PTPRA: variants seen among roughly 807,000 people sequenced by gnomAD.
The protein encoded by PTPRA is protein tyrosine phosphatase receptor type A.
PTPRA carries 25 observed loss-of-function variants against 104.8 expected under a neutral mutation model. That is an observed-to-expected ratio of 0.24 (90% CI 0.17 to 0.33). The LOEUF (loss-of-function observed/expected upper bound fraction) is 0.33. PTPRA is among the 10% of genes least tolerant of loss of function. The pLI is 1.00. For synonymous variants in PTPRA, 323 were observed against 368.9 expected, an observed-to-expected ratio of 0.88 and a Z score of 1.43; for missense variants, 765 against 1,015.3, an observed-to-expected ratio of 0.75 and a Z score of 3.35.
At chr20:2,893,558 T>C (rs2058880407) in intron 1 of PTPRA, among the ~76,000 whole-genome samples, 1 of 152,166 alleles carries the variant, frequency 6.6e-6, no homozygotes, top group East Asian at 1.9e-4. Context: ...ATCATATATA[T>C]CATATATTTA....
chr20:3,010,485 G>A (rs1443805236), intron 11 of PTPRA, among the ~76,000 whole-genome samples: 4 of 151,954 alleles, frequency 2.6e-5, no homozygotes, highest in Non-Finnish European at 5.9e-5. Flanking sequence ...AAAATTAGTC[G>A]GGCGTGGTGG....
chr20:2,883,910 C>G (rs1358319681), intron 1 of PTPRA, among the ~76,000 whole-genome samples: 2 of 152,192 alleles, frequency 1.3e-5, no homozygotes, highest in East Asian at 3.9e-4. Flanking sequence ...TCTCTCCTCC[C>G]TCCAGTCCCT....
intron 3 of PTPRA, 112 bp from the exon 4 acceptor site, chr20:2,964,160 G>A: frequency 1.2e-6 from 1 of 858,736 alleles, no homozygotes; most frequent in Non-Finnish European, 1.9e-6. Context: ...AAGATCATTG[G>A]TTTAGGCACA....
At position 2,923,496 on chromosome 20, in the gene PTPRA, TA is replaced by T. The variant is rs76940822; in HGVS notation, c.-50+220del. Among the ~76,000 whole-genome samples, 1,109 of 149,694 alleles carry T rather than the reference TA, an allele frequency of 7.4e-3. 9 individuals are homozygous for T. The highest frequency in any genetic ancestry group is 0.03 in the South Asian group (141 of 4,740). On this transcript the variant is annotated intron_variant, in intron 2 of 23. Transcript: ENST00000399903. The stretch of plus-strand genomic sequence containing the variant: ...AATCACTTGAAGAGCTTTTTTTTTT[TA>T]AAAAAAAAGACCAAAGTCAGGCTGG...
At chr20:2,883,976 A>G (rs2090223349) in intron 1 of PTPRA, among the ~76,000 whole-genome samples, 1 of 152,220 alleles carries the variant, frequency 6.6e-6, no homozygotes, top group African/African-American at 2.4e-5. Context: ...CATTTCATAT[A>G]AATGAAATCA....
chr20:2,909,983 TATATC>T (rs1285682214), intron 1 of PTPRA, among the ~76,000 whole-genome samples: 24 of 100,870 alleles, frequency 2.4e-4, no homozygotes, highest in South Asian at 9.1e-4. Context: ...TAATCTATCA[TATATC>T]ATATATATAA....
In PTPRA at chr20:2,964,338, A is replaced by T. The variant is rs2061868355; in HGVS notation, c.61A>T (p.Asn21Tyr). The T allele has an allele frequency of 1.2e-6, 2 of 1,602,304 alleles. No individual in the cohort carries two copies. Among genetic ancestry groups the T allele is most frequent in the Non-Finnish European group, 1.7e-6 (2 of 1,175,150 alleles). The stretch of plus-strand genomic sequence containing the variant: ...TGGTCTGATATGTGTCAGTGCCAAC[A>T]ATGCTACCACAGGTAAATTGTCATT... ...GSGLICVSAN[N>Y]ATTVAPSVGI... Residue 21 changes from asparagine to tyrosine, a missense_variant, in exon 4 of 24, where the codon AAT (asparagine) becomes TAT (tyrosine). Asn to Tyr is a moderately radical substitution (Grantham distance 143). Coordinates refer to ENST00000399903, the MANE Select transcript of PTPRA (RefSeq NM_001385305.1).
intron 1 of PTPRA, among the ~76,000 whole-genome samples, chr20:2,920,817 A>G (rs1033725745): frequency 2.6e-5 from 4 of 151,730 alleles, no homozygotes; most frequent in African/African-American, 9.7e-5. Context: ...GGCATTGGGA[A>G]TGTAGTTTGT....
chr20:2,897,929 T>TG (rs2059075706), intron 1 of PTPRA, among the ~76,000 whole-genome samples: 1 of 132,324 alleles, frequency 7.6e-6, no homozygotes, highest in Non-Finnish European at 1.6e-5. Flanking sequence ...TTTTTTTTTT[T>TG]GAGACAGAGT....
chr20:2,900,280 A>AC (rs1353891593), intron 1 of PTPRA, among the ~76,000 whole-genome samples: 1 of 151,966 alleles, frequency 6.6e-6, no homozygotes, highest in African/African-American at 2.4e-5. Flanking sequence ...AGTATCTGGG[A>AC]CCATACAGGC....
intron 13 of PTPRA, among the ~76,000 whole-genome samples, chr20:3,018,436 C>A (rs631439): frequency 0.6 from 88,947 of 149,362 alleles, 27,765 homozygotes; most frequent in East Asian, 0.8. Flanking sequence ...CTTAACGAGC[C>A]TGCTGCCTTC....
At chr20:2,864,799 A>T in the PTPRA span, 1 of 1,162,324 alleles carries the variant, frequency 8.6e-7, no homozygotes, top group Non-Finnish European at 1.2e-6. This position sits in a 1 kb window ranked among gnomAD's most constrained non-coding sequence, Gnocchi z 5.2. Context: ...TGAGGCCAGG[A>T]TGGGGGTTAG....
At chr20:2,898,863 A>C (rs1056617076) in intron 1 of PTPRA, among the ~76,000 whole-genome samples, 12 of 152,210 alleles carry the variant, frequency 7.9e-5, no homozygotes, top group African/African-American at 2.9e-4. Flanking sequence ...GTCTCAAAAA[A>C]AAAAAATTTC....
intron 1 of PTPRA, among the ~76,000 whole-genome samples, chr20:2,907,214 C>T (rs1344684199): frequency 1.3e-5 from 2 of 151,490 alleles, no homozygotes; most frequent in Non-Finnish European, 2.9e-5. Flanking sequence ...ATAAAATTAG[C>T]AAAAGCTAAT....
intron 9 of PTPRA, among the ~76,000 whole-genome samples, chr20:3,001,589 C>G (rs894997660): frequency 7.8e-6 from 1 of 128,086 alleles, no homozygotes; most frequent in African/African-American, 2.6e-5. Context: ...GGGTGGAAAC[C>G]TGTGGAAATC....
chr20:3,002,700 T>C (rs1361545926), intron 9 of PTPRA, among the ~76,000 whole-genome samples: 2 of 152,210 alleles, frequency 1.3e-5, no homozygotes, highest in Non-Finnish European at 2.9e-5. Flanking sequence ...TTTCCATGCT[T>C]CTCTTCTTGC....
chr20:2,912,695 A>T (rs772588400), intron 1 of PTPRA, among the ~76,000 whole-genome samples: 5 of 152,226 alleles, frequency 3.3e-5, no homozygotes, highest in Non-Finnish European at 7.4e-5. Flanking sequence ...CCAAACTGCT[A>T]TTCTCTAGAC....
At chr20:2,864,224 C>T in the PTPRA span, 1 of 1,614,214 alleles carries the variant, frequency 6.2e-7, no homozygotes. The surrounding 1 kb of genome is among the most constrained non-coding windows in gnomAD (Gnocchi z 5.2). Context: ...ACCCCTTCTC[C>T]TAAAGATGAA....
At chr20:3,008,622 G>A (rs923909811) in intron 11 of PTPRA, among the ~76,000 whole-genome samples, 5 of 151,688 alleles carry the variant, frequency 3.3e-5, no homozygotes, top group South Asian at 2.1e-4. Context: ...AGCCGGGCAC[G>A]GTGGCACACC....
Sources: gnomAD v4.1 joint callset for allele counts (sites outside exome capture counted in the v4.1 genomes callset) on GRCh38, gnomAD v4.1.1 for gene constraint, Gnocchi (gnomAD v3.1) non-coding constraint, MANE v1.5 for transcripts, NCBI Gene and HGNC (gene_info 2026-07-23, HGNC 2026-07-21) for gene names.